The following UBE2D2 variants were observed in gnomAD, a reference collection of about 807,000 sequenced individuals.
UBE2D2 encodes the protein ubiquitin-conjugating enzyme E2 D2.
Under a neutral mutation model 24.2 loss-of-function variants are expected in UBE2D2, and 2 were observed. That is an observed-to-expected ratio of 0.08 (90% CI 0.03 to 0.26). The LOEUF (loss-of-function observed/expected upper bound fraction) is 0.26. Ranked by LOEUF, UBE2D2 falls within the 10% of genes least tolerant of loss-of-function variation. The pLI is 1.00. For synonymous variants in UBE2D2, 58 were observed against 56.5 expected (o/e 1.03, Z -0.12); for missense variants, 44 against 177.6 (o/e 0.25, Z 4.28).
At chr5:139,561,984 C>T (rs951378444) in intron 1 of UBE2D2, 169 bp downstream of exon 1, 24 of 1,024,726 alleles carry the variant, frequency 2.3e-5, no homozygotes, top group Non-Finnish European at 3.1e-5. Flanking sequence ...CGTGGAGGCC[C>T]CGGCGCGCAG....
chr5:139,530,580 G>A (rs954672854), intron 1 of UBE2D2, among the ~76,000 whole-genome samples: 13 of 152,246 alleles, frequency 8.5e-5, no homozygotes, highest in African/African-American at 3.1e-4. Context: ...AACCGGTCAA[G>A]CCTTGACCGT....
chr5:139,602,094 C>T (rs974519317), intron 2 of UBE2D2, among the ~76,000 whole-genome samples: 38 of 152,128 alleles, frequency 2.5e-4, no homozygotes, highest in East Asian at 1.9e-3. Context: ...CTCTGTTGCC[C>T]GTGCTGGAGT....
chr5:139,578,434 TTG>T (rs34697798), intron 1 of UBE2D2, among the ~76,000 whole-genome samples: 26,582 of 144,394 alleles, frequency 0.18, 3,755 homozygotes, highest in African/African-American at 0.41. Flanking sequence ...GTTTTGTGTT[TTG>T]TGTGTGTGTG....
chr5:139,607,409 T>G (rs539473481), intron 2 of UBE2D2, among the ~76,000 whole-genome samples: 1 of 152,210 alleles, frequency 6.6e-6, no homozygotes, highest in Admixed American at 6.6e-5. Context: ...CCATAAAGAT[T>G]ATTTGTCTTG....
intron 1 of UBE2D2, among the ~76,000 whole-genome samples, chr5:139,550,896 T>G (rs970046974): frequency 6.6e-6 from 1 of 152,178 alleles, no homozygotes; most frequent in Non-Finnish European, 1.5e-5. Flanking sequence ...GCACTCATCA[T>G]GAGAGTCTGG....
At chr5:139,562,105 C>G (rs1260250957) in intron 1 of UBE2D2, 2 of 997,982 alleles carry the variant, frequency 2.0e-6, no homozygotes, top group Non-Finnish European at 2.8e-6. Flanking sequence ...GGGACTGCCG[C>G]TGCACTTGAG....
At chr5:139,623,836 C>A (rs778227171) in intron 6 of UBE2D2, among the ~76,000 whole-genome samples, 1 of 151,988 alleles carries the variant, frequency 6.6e-6, no homozygotes, top group African/African-American at 2.4e-5. Flanking sequence ...GGATTACAGG[C>A]GCAGGCCACC....
intron 5 of UBE2D2, among the ~76,000 whole-genome samples, chr5:139,617,967 T>G (rs1241571233): frequency 6.6e-6 from 1 of 151,824 alleles, no homozygotes; most frequent in Admixed American, 6.6e-5. Flanking sequence ...AAAAAATTAT[T>G]ATTATTATTA....
intron 1 of UBE2D2, among the ~76,000 whole-genome samples, chr5:139,570,484 G>A (rs1014320953): frequency 1.3e-5 from 2 of 151,798 alleles, no homozygotes; most frequent in African/African-American, 4.8e-5. Context: ...GGGACCACAG[G>A]TGCATGCCAC....
intron 5 of UBE2D2, among the ~76,000 whole-genome samples, chr5:139,622,333 C>T (rs1754527511): frequency 6.6e-6 from 1 of 151,678 alleles, no homozygotes; most frequent in East Asian, 2.0e-4. Flanking sequence ...CAACCTCCAC[C>T]TCCCAGGTTC....
chr5:139,619,395 CA>C (rs372029230), intron 5 of UBE2D2, among the ~76,000 whole-genome samples: 264 of 109,230 alleles, frequency 2.4e-3, no homozygotes, highest in Middle Eastern at 5.3e-3. Flanking sequence ...GAGTCTGTCT[CA>C]AAAAAAAAAA....
intron 2 of UBE2D2, among the ~76,000 whole-genome samples, chr5:139,611,321 G>A (rs1204153214): frequency 6.6e-6 from 1 of 151,524 alleles, no homozygotes; most frequent in Non-Finnish European, 1.5e-5. Flanking sequence ...TGAGTAGCTG[G>A]GATTACAGAC....
At chr5:139,591,636 GTC>G (rs1183315121) in intron 1 of UBE2D2, among the ~76,000 whole-genome samples, 3 of 152,258 alleles carry the variant, frequency 2.0e-5, no homozygotes, top group South Asian at 2.1e-4. Context: ...AAGGGATTAA[GTC>G]TATCAGCTGC....
At chr5:139,602,797 T>C (rs150474080) in intron 2 of UBE2D2, among the ~76,000 whole-genome samples, 7 of 152,322 alleles carry the variant, frequency 4.6e-5, no homozygotes, top group South Asian at 2.1e-4. Flanking sequence ...TAGATAAATA[T>C]TATAAATTAT....
At chr5:139,607,572 G>C (rs565735778) in intron 2 of UBE2D2, among the ~76,000 whole-genome samples, 1 of 152,102 alleles carries the variant, frequency 6.6e-6, no homozygotes, top group Non-Finnish European at 1.5e-5. Flanking sequence ...ATGTGAATAG[G>C]TTTTTATTCA....
At chr5:139,561,914 C>G (rs1174061957) in intron 1 of UBE2D2, 99 bp downstream of exon 1, 10 of 1,410,478 alleles carry the variant, frequency 7.1e-6, no homozygotes, top group East Asian at 2.7e-5. Flanking sequence ...CTCCTTGGAT[C>G]TTGCTGCCGG....
At chr5:139,610,553 A>T (rs79897638) in intron 2 of UBE2D2, among the ~76,000 whole-genome samples, 4 of 139,888 alleles carry the variant, frequency 2.9e-5, no homozygotes, top group Non-Finnish European at 4.6e-5. Context: ...AAAAAAATAT[A>T]TTTTTTTTTT....
At chr5:139,544,171 T>TC (rs1209310511) in intron 1 of UBE2D2, among the ~76,000 whole-genome samples, 70 of 150,748 alleles carry the variant, frequency 4.6e-4, no homozygotes, top group African/African-American at 1.5e-3. Flanking sequence ...TTTCTTTCTT[T>TC]TTTTTTTTTT....
Position 139,561,955 on chromosome 5 carries a change from C to T in UBE2D2, c.24+140C>T, listed in dbSNP as rs1235912374. 4 of 1,214,586 alleles carry T rather than the reference C, an allele frequency of 3.3e-6. No individual in the cohort carries two copies. The African/African-American group carries it at 6.3e-5, about 19-fold the overall frequency. 75.2% of individuals were successfully genotyped at this position (1,214,586 alleles called of 1,614,324 possible). ...GCCCCTCGGGGCGGCCTCCATACCC[C>T]ACTCCCAGTGATGGCGCCCGTGGAG... On this transcript the variant is annotated intron_variant, in intron 1 of 6. Transcript: ENST00000398733.
Sources: allele counts gnomAD v4.1 joint callset (sites outside exome capture counted in the v4.1 genomes callset), GRCh38; gene constraint gnomAD v4.1.1; transcripts MANE v1.5; gene names NCBI Gene and HGNC (gene_info 2026-07-23, HGNC 2026-07-21).